The following MAPK10 variants were observed in gnomAD, a reference collection of about 807,000 sequenced individuals.
The protein encoded by MAPK10 is mitogen-activated protein kinase 10.
Under a neutral mutation model 59.3 loss-of-function variants are expected in MAPK10, and 25 were observed. That is an observed-to-expected ratio of 0.42 (90% confidence interval 0.31 to 0.59). The LOEUF is 0.59. Ranked by LOEUF, MAPK10 falls within the 20% of genes least tolerant of loss-of-function variation. The probability of loss-of-function intolerance (pLI) is 0.15; values close to 1 mark genes in which losing one functional copy is unlikely to be tolerated. For missense variants in MAPK10, 351 were observed against 568.9 expected (o/e 0.62, Z 3.90); for synonymous variants, 190 against 200.5 (o/e 0.95, Z 0.44).
rs9685414 is a variant in MAPK10, at chr4:86,571,356, G to A, written c.-263+22554C>T. The stretch of plus-strand genomic sequence containing the variant: ...TGTGTGTGTGTGTGTGTGTGTGTGT[G>A]TATCTCCAGTAAAAGATAGTGAATA... On this transcript the variant is annotated intron_variant, in intron 1 of 4. Transcript: ENST00000502302. Among the ~76,000 whole-genome samples the A allele has an allele frequency of 5.9e-3, 858 of 145,512 alleles. 6 individuals carry two copies. The highest frequency in any genetic ancestry group is 0.019 in the African/African-American group (765 of 39,824).
chr4:86,259,405 C>G (rs900110388), intron 2 of MAPK10, among the ~76,000 whole-genome samples: 3 of 152,092 alleles, frequency 2.0e-5, no homozygotes, highest in African/African-American at 7.2e-5. Flanking sequence ...CTTTCACTCA[C>G]ATGATTGTAA....
chr4:86,304,019 A>G (rs1345895293), intron 2 of MAPK10, among the ~76,000 whole-genome samples: 1 of 152,186 alleles, frequency 6.6e-6, no homozygotes, highest in Admixed American at 6.5e-5. Flanking sequence ...TCCATTTCCA[A>G]GTCTTGAACG....
chr4:86,244,471 T>A (rs923175677), intron 2 of MAPK10, among the ~76,000 whole-genome samples: 9 of 152,354 alleles, frequency 5.9e-5, no homozygotes, highest in African/African-American at 1.9e-4. Context: ...CACTAACACT[T>A]ACTTGATCTT....
chr4:86,036,563 T>A (rs72988042), intron 11 of MAPK10, among the ~76,000 whole-genome samples: 232 of 152,276 alleles, frequency 1.5e-3, no homozygotes, highest in African/African-American at 5.4e-3. Context: ...AAGGAAATTT[T>A]AAAAAATATA....
intron 1 of MAPK10, among the ~76,000 whole-genome samples, chr4:86,374,938 G>A (rs1031569315): frequency 5.3e-5 from 8 of 152,172 alleles, no homozygotes; most frequent in Admixed American, 2.0e-4. Context: ...ACAAGCACAC[G>A]TGTTCATCCA....
intron 11 of MAPK10, among the ~76,000 whole-genome samples, chr4:86,042,699 C>T (rs2041808991): frequency 6.8e-6 from 1 of 147,766 alleles, no homozygotes; most frequent in African/African-American, 2.5e-5. Context: ...ATGGTAGAGA[C>T]AAAAAAGATA....
chr4:86,362,409 T>C (rs919993659), upstream of MAPK10, among the ~76,000 whole-genome samples: 1 of 151,070 alleles, frequency 6.6e-6, no homozygotes, highest in African/African-American at 2.4e-5. Flanking sequence ...CAGAAAGCAC[T>C]TACCATAAAA....
chr4:86,476,499 G>T (rs1753104590), intron 1 of MAPK10, among the ~76,000 whole-genome samples: 1 of 152,148 alleles, frequency 6.6e-6, no homozygotes. Flanking sequence ...ACCCAGCCCA[G>T]TTCATGGCTC....
intron 1 of MAPK10, among the ~76,000 whole-genome samples, chr4:86,410,827 T>G (rs1745064113): frequency 6.6e-6 from 1 of 151,796 alleles, no homozygotes; most frequent in South Asian, 2.1e-4. Flanking sequence ...GTGGTCCATT[T>G]TGTAGATCTT....
intron 1 of MAPK10, among the ~76,000 whole-genome samples, chr4:86,559,302 A>C (rs374002100): frequency 8.5e-5 from 13 of 152,140 alleles, no homozygotes; most frequent in African/African-American, 3.1e-4. Context: ...AAATCTAAAA[A>C]TCCTATAATT....
At chr4:86,397,102 A>C (rs1349308322) in intron 1 of MAPK10, among the ~76,000 whole-genome samples, 2 of 152,182 alleles carry the variant, frequency 1.3e-5, no homozygotes, top group African/African-American at 4.8e-5. Flanking sequence ...TAGAAAAAAA[A>C]AGATGAACAC....
intron 1 of MAPK10, among the ~76,000 whole-genome samples, chr4:86,446,591 G>A (rs1481277958): frequency 6.6e-6 from 1 of 152,032 alleles, no homozygotes; most frequent in Non-Finnish European, 1.5e-5. Context: ...CATGTGGATG[G>A]AATTATTTAA....
At chr4:86,317,447 G>T (rs114540135) in intron 2 of MAPK10, among the ~76,000 whole-genome samples, 1 of 152,118 alleles carries the variant, frequency 6.6e-6, no homozygotes, top group Non-Finnish European at 1.5e-5. Context: ...TCACAATGAA[G>T]TCTTCTTCTT....
intron 1 of MAPK10, among the ~76,000 whole-genome samples, chr4:86,447,639 G>A (rs142740500): frequency 4.6e-5 from 7 of 152,012 alleles, no homozygotes; most frequent in East Asian, 1.9e-4. Context: ...CCTCTCCCAC[G>A]ATACAAACAC....
intron 3 of MAPK10, among the ~76,000 whole-genome samples, chr4:86,171,564 AC>A (rs1335815469): frequency 1.3e-5 from 2 of 152,208 alleles, no homozygotes; most frequent in African/African-American, 4.8e-5. Context: ...TACACCTTAT[AC>A]AAAAATTAAT....
intron 1 of MAPK10, among the ~76,000 whole-genome samples, chr4:86,459,565 G>A (rs777930049): frequency 1.4e-4 from 21 of 151,978 alleles, no homozygotes; most frequent in Admixed American, 2.0e-4. Flanking sequence ...ATAGATAGAT[G>A]ATGGAATACT....
intron 4 of MAPK10, among the ~76,000 whole-genome samples, chr4:86,143,653 C>T (rs1044028880): frequency 2.0e-5 from 3 of 152,176 alleles, no homozygotes; most frequent in Non-Finnish European, 4.4e-5. Context: ...TCTTCTTTTG[C>T]TCATGACAGT....
At chr4:86,229,610 A>G (rs1481964616) in intron 2 of MAPK10, among the ~76,000 whole-genome samples, 1 of 152,216 alleles carries the variant, frequency 6.6e-6, no homozygotes, top group Admixed American at 6.5e-5. Context: ...TTAACTAAAA[A>G]TGCAGGAAAA....
chr4:86,326,583 A>T (rs1457992376), intron 2 of MAPK10: 1 of 152,132 alleles, frequency 6.6e-6, no homozygotes, highest in African/African-American at 2.4e-5. Flanking sequence ...TAATAGTCCA[A>T]ATTCCTTTTA....
Sources: allele counts gnomAD v4.1 joint callset (sites outside exome capture counted in the v4.1 genomes callset), GRCh38; gene constraint gnomAD v4.1.1; transcripts MANE v1.5; gene names NCBI Gene and HGNC (gene_info 2026-07-23, HGNC 2026-07-21).